The following ANKRD36 variants were observed in gnomAD, a reference collection of about 807,000 sequenced individuals.
ANKRD36 encodes ankyrin repeat domain-containing protein 36A.
Under a neutral mutation model 278.1 loss-of-function variants are expected in ANKRD36, and 179 were observed. The ratio of observed to expected loss-of-function variants is 0.64; its 90% CI spans 0.57 to 0.73. ANKRD36 has a LOEUF of 0.73. ANKRD36 is among the 30% of genes least tolerant of loss of function. The probability of loss-of-function intolerance (pLI) is 0.00; values close to 1 mark genes in which losing one functional copy is unlikely to be tolerated. For missense variants in ANKRD36, 1,159 were observed against 1,956.7 expected (o/e 0.59, Z 7.69); for synonymous variants, 320 against 641.1 (o/e 0.50, Z 7.57).
rs182769612 is a variant in ANKRD36, at chr2:97,195,868, G to A, written c.2552-725G>A. The stretch of plus-strand genomic sequence containing the variant: ...CTAATGGTTGTGGCAGTTTTACTTT[G>A]TAGAAATATGTCAAAATTGATAATT... On this transcript the variant is annotated intron_variant, in intron 40 of 75. Transcript: ENST00000420699. Among the ~76,000 whole-genome samples, 12 of 152,018 alleles carry A rather than the reference G, an allele frequency of 7.9e-5. No individual in the cohort carries two copies. In the East Asian group the frequency reaches 1.4e-3, roughly 17 times the overall value.
At chr2:97,149,242 T>G in intron 11 of ANKRD36, 53 bp from the exon 12 acceptor site, 2 of 1,483,586 alleles carry the variant, frequency 1.3e-6, no homozygotes, top group Non-Finnish European at 1.8e-6. Context: ...CGGTTTTTGT[T>G]TTCTTTTAAG....
intron 42 of ANKRD36, among the ~76,000 whole-genome samples, chr2:97,197,047 G>A (rs1298215750): frequency 1.3e-5 from 2 of 151,900 alleles, no homozygotes; most frequent in Non-Finnish European, 2.9e-5. Context: ...AAGGGTCTCT[G>A]GGGAACAGCA....
intron 50 of ANKRD36, among the ~76,000 whole-genome samples, chr2:97,204,718 G>A (rs1285514162): frequency 2.6e-5 from 4 of 151,576 alleles, no homozygotes; most frequent in African/African-American, 4.8e-5. Context: ...TAAGGAAGAC[G>A]GATTGTGAGG....
intron 24 of ANKRD36, among the ~76,000 whole-genome samples, chr2:97,180,369 G>A (rs534447413): frequency 6.6e-6 from 1 of 151,736 alleles, no homozygotes; most frequent in East Asian, 1.9e-4. Flanking sequence ...GACCACTGAT[G>A]TAGCAATTAT....
chr2:97,183,903 A>G (rs1349351813), intron 28 of ANKRD36, among the ~76,000 whole-genome samples: 1 of 151,614 alleles, frequency 6.6e-6, no homozygotes, highest in African/African-American at 2.4e-5. Flanking sequence ...AGTTCAAGAC[A>G]TAAGAGGATC....
At chr2:97,183,529 A>G in intron 27 of ANKRD36, 42 bp downstream of exon 27, 1 of 1,551,862 alleles carries the variant, frequency 6.4e-7, no homozygotes, top group East Asian at 2.5e-5. Context: ...TTTATTTTAT[A>G]GCCTATGAAA....
chr2:97,199,297 C>T (rs1288111555), intron 44 of ANKRD36, among the ~76,000 whole-genome samples: 1 of 151,900 alleles, frequency 6.6e-6, no homozygotes, highest in Non-Finnish European at 1.5e-5. Context: ...ATACACCACA[C>T]TGACCCCTTA....
intron 36 of ANKRD36, among the ~76,000 whole-genome samples, chr2:97,191,988 A>C (rs1248000416): frequency 6.6e-6 from 1 of 151,734 alleles, no homozygotes; most frequent in Non-Finnish European, 1.5e-5. Flanking sequence ...TTAGAGAATA[A>C]CATGATACTC....
intron 15 of ANKRD36, 28 bp from the exon 16 acceptor site, chr2:97,158,079 T>C (rs1297210840): frequency 7.0e-7 from 1 of 1,431,000 alleles, no homozygotes; most frequent in East Asian, 2.5e-5. Flanking sequence ...TTGCTGCATG[T>C]TATTCTTAAA....
intron 17 of ANKRD36, among the ~76,000 whole-genome samples, chr2:97,161,349 A>C (rs1391837415): frequency 6.6e-6 from 1 of 152,272 alleles, no homozygotes; most frequent in East Asian, 1.9e-4. Context: ...CACATTGCCA[A>C]TCCAGTGACT....
At chr2:97,237,159 T>C (rs1205290457) in intron 68 of ANKRD36, among the ~76,000 whole-genome samples, 1 of 150,994 alleles carries the variant, frequency 6.6e-6, no homozygotes, top group Non-Finnish European at 1.5e-5. Flanking sequence ...TTAGAATTTA[T>C]TATAAAGACT....
intron 52 of ANKRD36, among the ~76,000 whole-genome samples, chr2:97,207,520 G>A (rs1163035509): frequency 6.6e-6 from 1 of 151,444 alleles, no homozygotes; most frequent in Non-Finnish European, 1.5e-5. Flanking sequence ...AGATCACTTT[G>A]TCCTCATCAC....
intron 54 of ANKRD36, among the ~76,000 whole-genome samples, 171 bp downstream of exon 54, chr2:97,208,177 C>A (rs890884418): frequency 1.4e-5 from 2 of 146,332 alleles, no homozygotes; most frequent in African/African-American, 5.3e-5. Flanking sequence ...TGGTCTGGAA[C>A]ATGATCTTCG....
chr2:97,172,530 A>G (rs1321617632), intron 22 of ANKRD36, among the ~76,000 whole-genome samples: 1 of 151,860 alleles, frequency 6.6e-6, no homozygotes, highest in Non-Finnish European at 1.5e-5. Context: ...TATCTCTCCC[A>G]TGGCTGTGTT....
chr2:97,137,841 A>G (rs2041931412), intron 6 of ANKRD36, among the ~76,000 whole-genome samples: 1 of 152,020 alleles, frequency 6.6e-6, no homozygotes, highest in Non-Finnish European at 1.5e-5. Flanking sequence ...TTTGATTTGC[A>G]TTTCTCTAAT....
At chr2:97,161,583 G>C (rs2048896592) in intron 17 of ANKRD36, among the ~76,000 whole-genome samples, 1 of 152,132 alleles carries the variant, frequency 6.6e-6, no homozygotes. Flanking sequence ...CTCATTACAC[G>C]AAAGAAACAT....
At chr2:97,218,987 G>C (rs566648774) in intron 64 of ANKRD36, 63 bp from the exon 65 acceptor site, 6 of 1,536,246 alleles carry the variant, frequency 3.9e-6, no homozygotes, top group Non-Finnish European at 5.3e-6. Context: ...AACACTCCAC[G>C]AATGTATGGT....
At chr2:97,229,660 C>G (rs1243209649) in intron 67 of ANKRD36, among the ~76,000 whole-genome samples, 2 of 152,038 alleles carry the variant, frequency 1.3e-5, no homozygotes, top group African/African-American at 4.8e-5. Flanking sequence ...ATTGTTATGT[C>G]TGAAATTGAT....
At position 97,202,888 on chromosome 2, in the gene ANKRD36, G is replaced by C. The variant is rs900488848; in HGVS notation, c.2959+495G>C. On this transcript the variant is annotated intron_variant, in intron 48 of 75. Transcript: ENST00000420699. Reference sequence around the variant, plus strand: ...AAGGGGTGAAAAGAGGAAGTCATTTGTATAATTTTGGGGTTTCTGCTGAGG... The same window carrying C: ...AAGGGGTGAAAAGAGGAAGTCATTTCTATAATTTTGGGGTTTCTGCTGAGG... Among the ~76,000 whole-genome samples the C allele has an allele frequency of 6.6e-5, 10 of 151,904 alleles. 1 individual carries two copies. Among genetic ancestry groups the C allele is most frequent in the African/African-American group, 2.4e-4 (10 of 41,492 alleles).
Sources: allele counts gnomAD v4.1 joint callset (sites outside exome capture counted in the v4.1 genomes callset), GRCh38; gene constraint gnomAD v4.1.1; transcripts MANE v1.5; gene names NCBI Gene and HGNC (gene_info 2026-07-23, HGNC 2026-07-21).